XYLT1: variants seen among roughly 807,000 people sequenced by gnomAD.
XYLT1 encodes xylosyltransferase 1.
In XYLT1, 36 loss-of-function variants were observed where a neutral mutation model predicts 91.3. That is an observed-to-expected ratio of 0.39 (90% CI 0.30 to 0.52). The LOEUF (loss-of-function observed/expected upper bound fraction) is 0.52, where lower values mean the gene tolerates loss of function less well. Among genes scored for constraint, XYLT1 ranks in the 20% least tolerant of loss-of-function variants. The pLI is 0.68. For missense variants in XYLT1, 1,242 were observed against 1,284.5 expected (o/e 0.97, Z 0.51); for synonymous variants, 588 against 532.0 (o/e 1.11, Z -1.45).
intron 6 of XYLT1, among the ~76,000 whole-genome samples, chr16:17,153,199 T>G (rs191715251): frequency 6.6e-6 from 1 of 152,340 alleles, no homozygotes; most frequent in Non-Finnish European, 1.5e-5. Context: ...ATATTAATTC[T>G]TGCAACAACT....
chr16:17,353,577 C>A (rs1187207610), intron 2 of XYLT1, among the ~76,000 whole-genome samples: 1 of 152,164 alleles, frequency 6.6e-6, no homozygotes. Flanking sequence ...AACCATTTTA[C>A]CCCCAAGCCC....
chr16:17,466,021 G>T (rs1013137961), intron 1 of XYLT1, among the ~76,000 whole-genome samples: 1 of 152,196 alleles, frequency 6.6e-6, no homozygotes, highest in African/African-American at 2.4e-5. Context: ...TTTCATTGGT[G>T]CCGGGGCCTC....
At chr16:17,190,019 C>T (rs113306121) in intron 5 of XYLT1, among the ~76,000 whole-genome samples, 1 of 152,238 alleles carries the variant, frequency 6.6e-6, no homozygotes, top group South Asian at 2.1e-4. Context: ...GCACTCCAGC[C>T]TGGGCAACAA....
At chr16:17,429,388 G>A (rs966160222) in intron 1 of XYLT1, among the ~76,000 whole-genome samples, 9 of 152,208 alleles carry the variant, frequency 5.9e-5, no homozygotes, top group South Asian at 4.1e-4. Flanking sequence ...TAATTCTGCC[G>A]CAGGTTAACT....
Position 17,442,867 on chromosome 16 carries a change from T to C in XYLT1, c.363+27567A>G, listed in dbSNP as rs569974543. Among the ~76,000 whole-genome samples the C allele has an allele frequency of 4.6e-5, 7 of 152,162 alleles. No homozygotes were observed. In the South Asian group the frequency reaches 1.5e-3, roughly 32 times the overall value. ...CCTTCCTCCAAAACTAAACTGAGAGTGGCAATATAGGGGATTTGGATTTTC... is the reference window on the plus strand; with the variant it reads ...CCTTCCTCCAAAACTAAACTGAGAGCGGCAATATAGGGGATTTGGATTTTC... On this transcript the variant is annotated intron_variant, in intron 1 of 11. Transcript: ENST00000261381.
At chr16:17,244,646 T>C (rs1433527690) in intron 3 of XYLT1, among the ~76,000 whole-genome samples, 2 of 152,166 alleles carry the variant, frequency 1.3e-5, no homozygotes, top group East Asian at 1.9e-4. Flanking sequence ...GGGGCATCCG[T>C]TGTAGGTAGC....
At position 17,198,262 on chromosome 16, in the gene XYLT1, G is replaced by A. The variant is rs1311388230; in HGVS notation, c.1239C>T (p.Asp413=). ...QSMRDLLEMT[D]WPWDFFINLS... is the part of the protein sequence containing the mutation. ...GGTTGATGAAGAAGTCCCAGGGCCA[G>A]TCGGTCATCTCCAGGAGGTCCCGCA... Residue 413 remains aspartate (D), a synonymous_variant, in exon 5 of 12, where the codon GAC becomes GAT. Coordinates refer to ENST00000261381, the MANE Select transcript of XYLT1 (RefSeq NM_022166.4). The A allele has an allele frequency of 6.2e-7, 1 of 1,614,220 alleles. No individual in the cohort carries two copies. Among genetic ancestry groups the A allele is most frequent in the South Asian group, 1.1e-5 (1 of 91,090 alleles).
intron 3 of XYLT1, among the ~76,000 whole-genome samples, chr16:17,248,158 A>G (rs764722891): frequency 2.6e-5 from 4 of 152,196 alleles, no homozygotes; most frequent in Non-Finnish European, 4.4e-5. Context: ...GTGATAGTGA[A>G]TAAGTCTCAT....
intron 2 of XYLT1, among the ~76,000 whole-genome samples, chr16:17,327,647 G>A (rs534207567): frequency 7.9e-6 from 1 of 126,204 alleles, no homozygotes; most frequent in African/African-American, 3.0e-5. Context: ...CTCCCAAAGT[G>A]CTGGGATTAC....
chr16:17,143,568 C>T (rs1191910298), intron 6 of XYLT1, among the ~76,000 whole-genome samples: 1 of 152,182 alleles, frequency 6.6e-6, no homozygotes, highest in Admixed American at 6.5e-5. Flanking sequence ...TACACATGTG[C>T]CTTTGGTCAT....
chr16:17,114,058 A>G (rs1966847493), intron 11 of XYLT1, among the ~76,000 whole-genome samples: 1 of 150,820 alleles, frequency 6.6e-6, no homozygotes, highest in Admixed American at 6.6e-5. Flanking sequence ...GTGCACCCCA[A>G]TGCCATGGGG....
At chr16:17,335,843 T>C (rs549790110) in intron 2 of XYLT1, among the ~76,000 whole-genome samples, 14 of 152,326 alleles carry the variant, frequency 9.2e-5, no homozygotes, top group Admixed American at 7.8e-4. Flanking sequence ...AGGGAAACAT[T>C]ACTCCTAAAT....
At chr16:17,182,692 G>C (rs924399646) in intron 5 of XYLT1, among the ~76,000 whole-genome samples, 3 of 132,578 alleles carry the variant, frequency 2.3e-5, no homozygotes, top group Admixed American at 1.6e-4. Context: ...GCATATGTGG[G>C]GGGTGGGGTG....
intron 3 of XYLT1, among the ~76,000 whole-genome samples, chr16:17,203,476 A>G (rs2032581176): frequency 6.6e-6 from 1 of 151,242 alleles, no homozygotes; most frequent in African/African-American, 2.4e-5. Flanking sequence ...TAATCTGTCC[A>G]TCCATCTACC....
Position 17,415,416 on chromosome 16 carries a change from G to A in XYLT1, c.363+55018C>T, listed in dbSNP as rs141433695. On this transcript the variant is annotated intron_variant, in intron 1 of 11. Transcript: ENST00000261381. ...TCTCAGAAATAAATGGAGGCCGGGC[G>A]CGGTGGCTCACGCCTGTAATCCCAC... 5.3e-5 allele frequency among the ~76,000 whole-genome samples: 8 copies of A among 152,276 alleles called. 1 individual carries two copies. The South Asian group carries it at 6.2e-4, about 12-fold the overall frequency.
At chr16:17,247,633 A>G (rs1345848193) in intron 3 of XYLT1, among the ~76,000 whole-genome samples, 1 of 152,208 alleles carries the variant, frequency 6.6e-6, no homozygotes, top group Non-Finnish European at 1.5e-5. Flanking sequence ...CTCAGAGAAC[A>G]CAAGTGCCTT....
chr16:17,468,910 GGGAACC>G, intron 1 of XYLT1, among the ~76,000 whole-genome samples: 1 of 152,006 alleles, frequency 6.6e-6, no homozygotes, highest in African/African-American at 2.4e-5. Context: ...GCATTTCTGC[GGGAACC>G]CATCACTATC....
In XYLT1 at chr16:17,198,412, G is replaced by A. The variant is rs1375179324; in HGVS notation, c.1089C>T (p.Arg363=). ...DHFYYIHVDK[R]SNYLHRQVLQ... Reference sequence around the variant, plus strand: ...GCACTTGCCGATGCAGGTAATTAGAGCGCTTTTCCCAGGAGAGAAAGGGTG... The same window carrying A: ...GCACTTGCCGATGCAGGTAATTAGAACGCTTTTCCCAGGAGAGAAAGGGTG... The change falls in exon 5 of 12, where the codon CGC becomes CGT. Residue 363 remains arginine (R), a splice_region_variant and synonymous_variant. Coordinates refer to ENST00000261381, the MANE Select transcript of XYLT1 (RefSeq NM_022166.4). 3 of 1,613,858 alleles carry A rather than the reference G, an allele frequency of 1.9e-6. No homozygotes were observed. Among genetic ancestry groups the A allele is most frequent in the Non-Finnish European group, 2.5e-6 (3 of 1,179,926 alleles).
At chr16:17,306,422 G>A (rs568966031) in intron 2 of XYLT1, among the ~76,000 whole-genome samples, 5 of 152,228 alleles carry the variant, frequency 3.3e-5, no homozygotes, top group Admixed American at 6.5e-5. Flanking sequence ...GGCAGGCGGC[G>A]CGCATGTGTA....
Sources: gnomAD v4.1 joint callset for allele counts (sites outside exome capture counted in the v4.1 genomes callset) on GRCh38, gnomAD v4.1.1 for gene constraint, MANE v1.5 for transcripts, NCBI Gene and HGNC (gene_info 2026-07-23, HGNC 2026-07-21) for gene names.